CHID1: variants seen among roughly 807,000 people sequenced by gnomAD.
CHID1 encodes chitinase domain containing 1, also known as chitinase domain-containing protein 1.
Under a neutral mutation model 55.4 loss-of-function variants are expected in CHID1, and 44 were observed. The ratio of observed to expected loss-of-function variants is 0.79; its 90% CI spans 0.62 to 1.02. The LOEUF (loss-of-function observed/expected upper bound fraction) is 1.02. CHID1 is among the 50% of genes least tolerant of loss of function. The pLI, the probability that CHID1 is intolerant of heterozygous loss-of-function variation, is 0.00. For missense variants in CHID1, 491 were observed against 515.3 expected (o/e 0.95, Z 0.46); for synonymous variants, 216 against 212.9 (o/e 1.01, Z -0.13).
At chr11:900,214 G>T in intron 5 of CHID1, 104 bp from the exon 6 acceptor site, 1 of 852,210 alleles carries the variant, frequency 1.2e-6, no homozygotes, top group Non-Finnish European at 1.9e-6. Context: ...CCAGAGGGAA[G>T]TGAGACCAGA....
intron 8 of CHID1, among the ~76,000 whole-genome samples, chr11:885,625 T>C (rs1267670102): frequency 6.6e-6 from 1 of 151,256 alleles, no homozygotes; most frequent in Non-Finnish European, 1.5e-5. Context: ...CAAGTGCCCC[T>C]AAGACTTCAG....
In CHID1 at chr11:893,530, C is replaced by T. The variant is rs930887600; in HGVS notation, c.609-11G>A. 7.8e-6 allele frequency: 12 copies of T among 1,544,366 alleles called. No homozygotes were observed. The highest frequency in any genetic ancestry group is 8.8e-6 in the Non-Finnish European group (10 of 1,142,206). ...ATGTGGATGAGGCCCCTGCAAGAAC[C>T]GAGAGATGGGGTCAGCAGTGCCTGG... On this transcript the variant is annotated splice_polypyrimidine_tract_variant and intron_variant, in intron 7 of 12. Coordinates refer to ENST00000323578, the MANE Select transcript of CHID1 (RefSeq NM_023947.4).
chr11:884,288 T>TGACCCAA, intron 8 of CHID1, 119 bp from the exon 9 acceptor site: 1 of 704,862 alleles, frequency 1.4e-6, no homozygotes, highest in Non-Finnish European at 2.4e-6. Context: ...AGGGGAAAAG[T>TGACCCAA]GTTCTTCTGG....
chr11:869,606 A>C lies in CHID1; in HGVS notation c.*252T>G. ...CAGGTACTGTGGGCCCCGCCTGCCC[A>C]GCTGACAGGAGGCAGCCAGCGGATG... On this transcript the variant is annotated 3_prime_UTR_variant, in exon 13 of 13. Coordinates refer to ENST00000323578, the MANE Select transcript of CHID1 (RefSeq NM_023947.4). 1.7e-6 allele frequency: 1 copy of C among 576,488 alleles called. No homozygotes were observed. The highest frequency in any genetic ancestry group is 2.1e-5 in the South Asian group (1 of 48,182). The allele number at this position is 576,488 out of a possible 1,614,324, so 35.7% of individuals were successfully genotyped here.
chr11:879,817 C>T (rs1293965594), intron 10 of CHID1, among the ~76,000 whole-genome samples: 1 of 152,230 alleles, frequency 6.6e-6, no homozygotes, highest in Non-Finnish European at 1.5e-5. Context: ...ATGGGGAGGC[C>T]TCTTGCTTTG....
At chr11:891,653 G>A (rs1407345829) in intron 8 of CHID1, among the ~76,000 whole-genome samples, 3 of 152,192 alleles carry the variant, frequency 2.0e-5, no homozygotes, top group Non-Finnish European at 2.9e-5. Flanking sequence ...AGGTGGCCAT[G>A]CCCATGGCCT....
At chr11:908,406 GCAGCCTGCTGC>G (rs2134377717) in intron 1 of CHID1, 2 of 178,382 alleles carry the variant, frequency 1.1e-5, no homozygotes, top group South Asian at 3.8e-4. Flanking sequence ...ACCAAGGGCA[GCAGCCTGCTGC>G]CACCTCCCCT....
chr11:894,785 G>A (rs912381251), intron 7 of CHID1, among the ~76,000 whole-genome samples: 1 of 152,208 alleles, frequency 6.6e-6, no homozygotes, highest in Non-Finnish European at 1.5e-5. Context: ...AGTACCCAGA[G>A]GCCCTGGTGC....
intron 8 of CHID1, among the ~76,000 whole-genome samples, chr11:887,501 T>A (rs1850488894): frequency 6.6e-6 from 1 of 152,220 alleles, no homozygotes; most frequent in Non-Finnish European, 1.5e-5. Context: ...GTTGTCTGTG[T>A]CTGTCACTCC....
upstream of CHID1, among the ~76,000 whole-genome samples, chr11:913,100 C>A (rs1852784985): frequency 6.6e-6 from 1 of 152,006 alleles, no homozygotes; most frequent in African/African-American, 2.4e-5. Context: ...GTGGCTGACC[C>A]CTGTAATCCC....
chr11:910,157 C>T (rs1244713248), intron 1 of CHID1, among the ~76,000 whole-genome samples: 1 of 151,854 alleles, frequency 6.6e-6, no homozygotes, highest in Non-Finnish European at 1.5e-5. Flanking sequence ...GAAGTCGAGG[C>T]GGACGGGCGG....
intron 1 of CHID1, chr11:908,703 G>C: frequency 1.4e-6 from 1 of 717,050 alleles, no homozygotes; most frequent in Non-Finnish European, 1.7e-6. Flanking sequence ...CCAGGGGACT[G>C]GCCCAGGAGT....
At chr11:881,450 C>CTCA (rs1248623946) in intron 10 of CHID1, among the ~76,000 whole-genome samples, 1 of 101,902 alleles carries the variant, frequency 9.8e-6, no homozygotes, top group Non-Finnish European at 1.9e-5. Flanking sequence ...CCACGTCGGG[C>CTCA]GGTAGGCTGG....
At chr11:882,991 C>A (rs1850105443) in intron 10 of CHID1, 157 bp downstream of exon 10, 2 of 791,294 alleles carry the variant, frequency 2.5e-6, no homozygotes, top group Non-Finnish European at 4.0e-6. Context: ...GGGGTGGGCA[C>A]CAAGCAGGAC....
chr11:904,956 T>C, intron 1 of CHID1, 97 bp from the exon 2 acceptor site: 1 of 1,318,670 alleles, frequency 7.6e-7, no homozygotes. Context: ...TAATAGGGCC[T>C]GGGTCCTCAT....
intron 7 of CHID1, among the ~76,000 whole-genome samples, chr11:895,502 C>A (rs972139718): frequency 3.9e-5 from 6 of 152,172 alleles, no homozygotes; most frequent in African/African-American, 1.4e-4. Context: ...CTCCTCACGA[C>A]AGACCCCCTC....
intron 7 of CHID1, among the ~76,000 whole-genome samples, chr11:893,895 G>A (rs1173147771): frequency 6.6e-6 from 1 of 151,888 alleles, no homozygotes; most frequent in East Asian, 1.9e-4. Context: ...ACCTTGGGAG[G>A]CCGAGGTGGG....
chr11:902,926 AG>A, intron 3 of CHID1, 35 bp downstream of exon 3: 3 of 1,597,424 alleles, frequency 1.9e-6, no homozygotes, highest in Middle Eastern at 1.7e-4. Flanking sequence ...CCTGAGCCTC[AG>A]GACCTCCCTC....
Position 875,407 on chromosome 11 carries a change from C to A in CHID1, c.960-4908G>T, listed in dbSNP as rs1849444160. Reference sequence around the variant, plus strand: ...TGGCTGGGCCCGCAGGTAATGCCAGCCAGTCCCTGCACCTGGCCCCATTGG... The same window carrying A: ...TGGCTGGGCCCGCAGGTAATGCCAGACAGTCCCTGCACCTGGCCCCATTGG... On this transcript the variant is annotated intron_variant, in intron 10 of 12. Transcript: ENST00000323578. This position sits in a 1 kb window ranked among gnomAD's most constrained non-coding sequence, Gnocchi z 4.7. Among the ~76,000 whole-genome samples the A allele has an allele frequency of 6.6e-6, 1 of 152,244 alleles. No homozygotes were observed. Among genetic ancestry groups the A allele is most frequent in the African/African-American group, 2.4e-5 (1 of 41,458 alleles).
Sources: gnomAD v4.1 joint callset for allele counts (sites outside exome capture counted in the v4.1 genomes callset) on GRCh38, gnomAD v4.1.1 for gene constraint, Gnocchi (gnomAD v3.1) non-coding constraint, MANE v1.5 for transcripts, NCBI Gene and HGNC (gene_info 2026-07-23, HGNC 2026-07-21) for gene names.